Variants in LZTS2 observed in about 807,000 individuals in gnomAD.
LZTS2 encodes the protein leucine zipper putative tumor suppressor 2.
In LZTS2, 32 loss-of-function variants were observed where a neutral mutation model predicts 60.6. The ratio of observed to expected loss-of-function variants is 0.53; its 90% CI spans 0.40 to 0.71. LZTS2 has a LOEUF of 0.71. Among genes scored for constraint, LZTS2 ranks in the 30% least tolerant of loss-of-function variants. The pLI, the probability that LZTS2 is intolerant of heterozygous loss-of-function variation, is 0.00. For synonymous variants in LZTS2, 360 were observed against 393.1 expected (o/e 0.92, Z 1.00); for missense variants, 792 against 901.9 (o/e 0.88, Z 1.56).
At chr10:100,998,201 G>A (rs1452967208), upstream of LZTS2, 6 of 152,420 alleles carry the variant, frequency 3.9e-5, no homozygotes, top group Admixed American at 3.9e-4. Flanking sequence ...CAGGGAATGA[G>A]GGAGTGGGCA....
intron 3 of LZTS2, among the ~76,000 whole-genome samples, chr10:101,006,025 G>T (rs1208582904): frequency 6.6e-6 from 1 of 152,236 alleles, no homozygotes; most frequent in East Asian, 1.9e-4. Flanking sequence ...GCTACCATTA[G>T]TCTCCCCATT....
Position 101,006,386 on chromosome 10 carries a change from G to A in LZTS2, c.1327-99G>A, listed in dbSNP as rs571286634. ...TCTCCATCTGTAAAATGGGGATAAA[G>A]ATGGACTCTTCTCTCCCAAATGCCC... On this transcript the variant is annotated intron_variant, in intron 3 of 3. Coordinates refer to ENST00000370220, the Ensembl canonical transcript of LZTS2. The A allele has an allele frequency of 5.5e-6, 8 of 1,461,002 alleles. No homozygotes were observed. The South Asian group carries it at 7.2e-5, about 13-fold the overall frequency. 90.5% of individuals were successfully genotyped at this position (1,461,002 alleles called of 1,614,324 possible).
At chr10:101,006,908 C>A in exon 4 of LZTS2, 1 of 1,529,226 alleles carries the variant, frequency 6.5e-7, no homozygotes, top group Non-Finnish European at 8.8e-7. Flanking sequence ...GGAGCTGCAG[C>A]GGGAGCGGCG....
At chr10:101,007,117 C>G in exon 4 of LZTS2, 1 of 1,609,706 alleles carries the variant, frequency 6.2e-7, no homozygotes, top group South Asian at 1.1e-5. Context: ...TGGGCCTGGC[C>G]GAGCAGGCCC....
At chr10:101,001,360 T>C (rs1852034741) in exon 1 of LZTS2, 1 of 152,096 alleles carries the variant, frequency 6.6e-6, no homozygotes, top group Non-Finnish European at 1.5e-5. Context: ...TGAACTGATA[T>C]ATCAAACATG....
exon 1 of LZTS2, chr10:101,002,803 A>G (rs1852071269): frequency 6.2e-7 from 1 of 1,613,632 alleles, no homozygotes; most frequent in Non-Finnish European, 8.5e-7. Context: ...CACCAGCTTC[A>G]CCTACATCAA....
chr10:100,997,741 G>C (rs1318145717), upstream of LZTS2, among the ~76,000 whole-genome samples: 1 of 152,224 alleles, frequency 6.6e-6, no homozygotes, highest in Non-Finnish European at 1.5e-5. Context: ...ACCCAACCAC[G>C]GGGCGGAAAT....
intron 3 of LZTS2, 22 bp from the exon 5 acceptor site, chr10:101,006,462 TC>T: frequency 6.3e-7 from 1 of 1,595,848 alleles, no homozygotes; most frequent in Non-Finnish European, 8.5e-7. Flanking sequence ...TCACCATCCT[TC>T]CCCACTTCCT....
exon 4 of LZTS2, chr10:101,007,058 G>A: frequency 6.2e-7 from 1 of 1,604,410 alleles, no homozygotes; most frequent in Non-Finnish European, 8.5e-7. Context: ...GCTAGAGCAG[G>A]AGCTGCAGCA....
At chr10:101,002,658 G>A (rs1852065260) in exon 1 of LZTS2, 2 of 1,608,470 alleles carry the variant, frequency 1.2e-6, no homozygotes, top group African/African-American at 2.7e-5. Context: ...CCTGTCCCGG[G>A]GGGCCAGCTC....
chr10:100,998,358 G>C (rs1851956879), upstream of LZTS2: 1 of 152,488 alleles, frequency 6.6e-6, no homozygotes, highest in Admixed American at 6.5e-5. Context: ...CAGAGGAGGG[G>C]GCTCTGCTGG....
exon 4 of LZTS2, chr10:101,006,603 G>T (rs748691503): frequency 6.2e-7 from 1 of 1,605,416 alleles, no homozygotes; most frequent in Non-Finnish European, 8.5e-7. Context: ...CGGGAGGCCC[G>T]TGCTACGCTG....
chr10:101,003,421 AC>A, intron 1 of LZTS2, 85 bp from the exon 3 acceptor site: 1 of 1,389,454 alleles, frequency 7.2e-7, no homozygotes, highest in Non-Finnish European at 9.6e-7. Context: ...GGCACTGGGG[AC>A]CCAAGACGGG....
chr10:101,003,214 CG>C, intron 1 of LZTS2: 3 of 536,456 alleles, frequency 5.6e-6, no homozygotes, highest in Non-Finnish European at 6.3e-6. Flanking sequence ...TAGTTGCTTA[CG>C]TTCTGGTTAT....
chr10:101,006,864 G>A lies in LZTS2; in HGVS notation c.1706G>A (p.Gly569Asp), dbSNP rs199636093. 8 of 1,531,648 alleles carry A rather than the reference G, an allele frequency of 5.2e-6. No homozygotes were observed. In the Admixed American group the frequency reaches 5.9e-5, roughly 11 times the overall value. The allele number at this position is 1,531,648 out of a possible 1,614,324, so 94.9% of individuals were successfully genotyped here. A position where few individuals can be genotyped will look rare whatever the true frequency, so the allele number is the denominator to read the frequency against. Residue 569 changes from glycine (G) to aspartate (D), a missense_variant, in exon 4 of 4, where the codon GGC (glycine) becomes GAC (aspartate). Physicochemically the swap from Gly to Asp is moderately conservative, Grantham distance 94 (BLOSUM62 -1). Transcript: ENST00000370220. ...CAGCGGGCAGCAGCCGGGGTTGGGG[G>A]CAGCTTGCGGGCCCAGGTGGAGCGA...
chr10:101,002,296 ACTC>A (rs1590033669), exon 1 of LZTS2: 1 of 383,708 alleles, frequency 2.6e-6, no homozygotes, highest in African/African-American at 2.1e-5. Flanking sequence ...GAGTGAATTC[ACTC>A]CTCAGCCCTG....
chr10:100,999,956 AG>A lies in LZTS2; in HGVS notation c.-2577del, dbSNP rs1851996530. The A allele has an allele frequency of 6.6e-6, 1 of 152,048 alleles. No individual in the cohort carries two copies. Among genetic ancestry groups the A allele is most frequent in the Non-Finnish European group, 1.5e-5 (1 of 67,808 alleles). 9.4% of individuals were successfully genotyped at this position (152,048 alleles called of 1,614,324 possible). On this transcript the variant is annotated 5_prime_UTR_variant, in exon 1 of 4. Coordinates refer to ENST00000370220, the Ensembl canonical transcript of LZTS2. ...AGCATGGAGCAGCGCGGCGGAGGTG[AG>A]GGGGGCCGGGTCTGGGAGGCGGCCT...
At chr10:101,003,120 C>A in intron 1 of LZTS2, 174 bp downstream of exon 2, 1 of 810,124 alleles carries the variant, frequency 1.2e-6, no homozygotes, top group Non-Finnish European at 1.9e-6. Context: ...GTCACTTAAC[C>A]TGAGCCTCAG....
Position 101,007,067 on chromosome 10 carries a change from C to T in LZTS2, c.1909C>T (p.Gln637Ter). Residue 637 changes from glutamine to a stop codon, truncating the protein, a stop_gained, in exon 4 of 4, where the codon CAG becomes TAG. Coordinates refer to ENST00000370220, the Ensembl canonical transcript of LZTS2. LOFTEE classifies it high-confidence loss of function. ...CCGGCAGCTAGAGCAGGAGCTGCAG[C>T]AGCTCAGCCTGGAGCTGGAGGCCCG... 1 of 1,606,618 alleles carries T rather than the reference C, an allele frequency of 6.2e-7. No homozygotes were observed. The highest frequency in any genetic ancestry group is 8.5e-7 in the Non-Finnish European group (1 of 1,177,632).
Sources: gnomAD v4.1 joint callset for allele counts (sites outside exome capture counted in the v4.1 genomes callset) on GRCh38, gnomAD v4.1.1 for gene constraint, MANE v1.5 for transcripts, NCBI Gene and HGNC (gene_info 2026-07-23, HGNC 2026-07-21) for gene names.